ARHGAP19: variants seen among roughly 807,000 people sequenced by gnomAD.
ARHGAP19 encodes Rho GTPase activating protein 19, also known as rho GTPase-activating protein 19.
In ARHGAP19, 48 loss-of-function variants were observed where a neutral mutation model predicts 60.9. That is an observed-to-expected ratio of 0.79 (90% CI 0.62 to 1.00). The LOEUF is 1.00. ARHGAP19 is among the 50% of genes least tolerant of loss of function. The pLI is 0.00. For synonymous variants in ARHGAP19, 209 were observed against 215.5 expected, an observed-to-expected ratio of 0.97 and a Z score of 0.27; for missense variants, 562 against 597.2, an observed-to-expected ratio of 0.94 and a Z score of 0.61.
chr10:97,266,237 G>T, intron 1 of ARHGAP19, 112 bp from the exon 2 acceptor site: 1 of 1,295,970 alleles, frequency 7.7e-7, no homozygotes, highest in Non-Finnish European at 1.1e-6. Flanking sequence ...TTTCCTTATA[G>T]TCAGCTTCCT....
chr10:97,234,808 A>T lies in ARHGAP19; in HGVS notation c.1284+409T>A, dbSNP rs1337611257. ...TTGGGGTATCAAAACTCACTAGCCT[A>T]TTGGAAAATCCAGTTTTCTAACAGT... On this transcript the variant is annotated intron_variant, in intron 9 of 11. Transcript: ENST00000358531. 2.6e-5 allele frequency among the ~76,000 whole-genome samples: 4 copies of T among 152,232 alleles called. No homozygotes were observed. The East Asian group carries it at 7.7e-4, about 29-fold the overall frequency.
intron 6 of ARHGAP19, among the ~76,000 whole-genome samples, chr10:97,253,379 C>CAAAAAAA (rs551066347): frequency 0.05 from 4,092 of 81,876 alleles, 108 homozygotes; most frequent in Non-Finnish European, 0.076. Context: ...AACTCTATCT[C>CAAAAAAA]AAAAAAAAAA....
intron 9 of ARHGAP19, among the ~76,000 whole-genome samples, chr10:97,232,080 A>C (rs1188063640): frequency 4.7e-5 from 7 of 149,664 alleles, no homozygotes; most frequent in Non-Finnish European, 5.9e-5. Context: ...GTGATGTTGA[A>C]CATCTTTTCA....
chr10:97,250,540 C>T (rs1333873629), intron 6 of ARHGAP19, among the ~76,000 whole-genome samples: 2 of 151,750 alleles, frequency 1.3e-5, no homozygotes, highest in South Asian at 2.1e-4. Flanking sequence ...CCCACCACCA[C>T]GCCCGGCTAA....
At chr10:97,266,443 C>A (rs1842900054) in intron 1 of ARHGAP19, among the ~76,000 whole-genome samples, 1 of 152,208 alleles carries the variant, frequency 6.6e-6, no homozygotes, top group Non-Finnish European at 1.5e-5. Context: ...TCTGCTCAGA[C>A]AGGTTCTTCT....
chr10:97,259,479 T>C lies in ARHGAP19; in HGVS notation c.763A>G (p.Lys255Glu). The C allele has an allele frequency of 6.2e-7, 1 of 1,614,190 alleles. No individual in the cohort carries two copies. Among genetic ancestry groups the C allele is most frequent in the East Asian group, 2.2e-5 (1 of 44,874 alleles). Residue 255 changes from lysine to glutamate, a missense_variant, in exon 5 of 12, where the codon AAG (lysine) becomes GAG (glutamate). Physicochemically the swap from Lys to Glu is moderately conservative, Grantham distance 56 (BLOSUM62 1). Transcript: ENST00000358531. ...LLLDLLYQTA[K>E]KQDKNKMSAY... ...GACATCTTGTTCTTGTCTTGTTTCT[T>C]TGCTGTCTGGTATAGGAGATCAAGC...
intron 6 of ARHGAP19, among the ~76,000 whole-genome samples, chr10:97,253,243 T>C (rs1842711473): frequency 6.6e-6 from 1 of 152,000 alleles, no homozygotes; most frequent in Non-Finnish European, 1.5e-5. Context: ...TCCAGTGTAG[T>C]GGTGCGTGCC....
chr10:97,235,285 C>G lies in ARHGAP19; in HGVS notation c.1216G>C (p.Gly406Arg), dbSNP rs1020292799. The G allele has an allele frequency of 2.5e-6, 4 of 1,613,568 alleles. No individual in the cohort carries two copies. The highest frequency in any genetic ancestry group is 3.4e-6 in the Non-Finnish European group (4 of 1,179,720). ...ACCTGGGAAGTAGAAGGTTCTCGCC[C>G]TGGTGTCTGGGTCAATGATTGCTTA... Reference protein sequence around the residue: ...FNKQSLTQTPGREPSTSQVQK... With the variant: ...FNKQSLTQTPRREPSTSQVQK... The change falls in exon 9 of 12, where the codon GGG (glycine) becomes CGG (arginine). Residue 406 changes from glycine (G) to arginine (R), a missense_variant. Coordinates refer to ENST00000358531, the MANE Select transcript of ARHGAP19 (RefSeq NM_032900.6).
intron 8 of ARHGAP19, among the ~76,000 whole-genome samples, chr10:97,240,303 T>C (rs1842458971): frequency 1.3e-5 from 2 of 152,336 alleles, no homozygotes; most frequent in Admixed American, 6.5e-5. Flanking sequence ...TTCCCAAATA[T>C]GCCCAGTAGT....
chr10:97,280,636 T>C (rs1843072413), intron 1 of ARHGAP19, among the ~76,000 whole-genome samples: 1 of 151,990 alleles, frequency 6.6e-6, no homozygotes, highest in Admixed American at 6.6e-5. Context: ...CAGGCTGTAA[T>C]GCAGTGTGCA....
At chr10:97,237,354 C>T (rs960303324) in intron 8 of ARHGAP19, among the ~76,000 whole-genome samples, 2 of 151,136 alleles carry the variant, frequency 1.3e-5, no homozygotes, top group African/African-American at 4.9e-5. Flanking sequence ...CACATAATGA[C>T]ATTTTGGTCA....
At position 97,245,502 on chromosome 10, in the gene ARHGAP19, TC is replaced by T. The variant is rs374352879; in HGVS notation, c.993+769del. Among the ~76,000 whole-genome samples the T allele has an allele frequency of 2.8e-3, 409 of 146,276 alleles. 2 individuals carry two copies. Among genetic ancestry groups the T allele is most frequent in the African/African-American group, 9.2e-3 (361 of 39,092 alleles). ...CGGGCATGGTGGTGCATGCCTGTAG[TC>T]CCCAGCTACTCAGGAGGCTGAGGTG... On this transcript the variant is annotated intron_variant, in intron 7 of 11. Coordinates refer to ENST00000358531, the MANE Select transcript of ARHGAP19 (RefSeq NM_032900.6).
At position 97,229,786 on chromosome 10, in the gene ARHGAP19, G is replaced by A; in HGVS notation, c.1373C>T (p.Thr458Ile). The stretch of plus-strand genomic sequence containing the variant: ...TACTAAGTTCCTATTTTCTTTGCTG[G>A]TTCCCTTCAATTCACCAATGGCCAC... The part of the protein sequence containing the change: ...ESVAIGELKG[T>I]SKENRNLLFS... The change falls in exon 10 of 12, where the codon ACC becomes ATC. Residue 458 changes from threonine (T) to isoleucine (I), a missense_variant. Physicochemically the swap from Thr to Ile is moderately conservative, Grantham distance 89. Transcript: ENST00000358531. The A allele has an allele frequency of 1.2e-6, 2 of 1,608,654 alleles. No homozygotes were observed. Among genetic ancestry groups the A allele is most frequent in the Non-Finnish European group, 1.7e-6 (2 of 1,175,806 alleles).
At chr10:97,253,331 T>C (rs1014067650) in intron 6 of ARHGAP19, among the ~76,000 whole-genome samples, 10 of 149,974 alleles carry the variant, frequency 6.7e-5, no homozygotes, top group Non-Finnish European at 1.3e-4. Flanking sequence ...TGAGCTGAGA[T>C]TGCATCACTG....
Position 97,243,949 on chromosome 10 carries a change from C to A in ARHGAP19, c.1185+19G>T. On this transcript the variant is annotated intron_variant, in intron 8 of 11. Transcript: ENST00000358531. ...TTACACTCCTAAAGCCCCATCACAA[C>A]TTCCCTGCCTTTAGGCACCTGTCTA... 6.3e-7 allele frequency: 1 copy of A among 1,583,112 alleles called. No individual in the cohort carries two copies. The highest frequency in any genetic ancestry group is 8.6e-7 in the Non-Finnish European group (1 of 1,161,892).
chr10:97,242,714 A>G (rs965139803), intron 8 of ARHGAP19, among the ~76,000 whole-genome samples: 7 of 152,238 alleles, frequency 4.6e-5, no homozygotes, highest in African/African-American at 1.7e-4. Flanking sequence ...AGGTTTCTCC[A>G]TGTTAGTCAG....
chr10:97,234,355 G>C lies in ARHGAP19; in HGVS notation c.1284+862C>G, dbSNP rs182701318. On this transcript the variant is annotated intron_variant, in intron 9 of 11. Coordinates refer to ENST00000358531, the MANE Select transcript of ARHGAP19 (RefSeq NM_032900.6). ...TTTACAGGTGCAGCAAACCACCATG[G>C]CACACATTTACCTATATAACAAACC... 4.6e-3 allele frequency among the ~76,000 whole-genome samples: 675 copies of C among 147,946 alleles called. 1 individual carries two copies. The highest frequency in any genetic ancestry group is 6.8e-3 in the Non-Finnish European group (458 of 67,618).
rs1850838929 is a variant in ARHGAP19, at chr10:97,223,276, GT to G, written c.*2845del. 1.3e-5 allele frequency: 2 copies of G among 151,998 alleles called. No individual in the cohort carries two copies. Among genetic ancestry groups the G allele is most frequent in the South Asian group, 4.2e-4 (2 of 4,812 alleles). The allele number at this position is 151,998 out of a possible 1,614,324, so 9.4% of individuals were successfully genotyped here. On this transcript the variant is annotated 3_prime_UTR_variant, in exon 12 of 12. Transcript: ENST00000358531. ...TTCATTACCTGCTCCTTTTTTTACG[GT>G]TCGTTACCTGCTCCTGTTTTGGCCC...
intron 10 of ARHGAP19, among the ~76,000 whole-genome samples, chr10:97,229,544 T>G (rs1850964653): frequency 1.3e-5 from 2 of 152,030 alleles, no homozygotes; most frequent in Non-Finnish European, 2.9e-5. Flanking sequence ...ACTACTCATC[T>G]GCTTGTGACT....
Sources: gnomAD v4.1 joint callset for allele counts (sites outside exome capture counted in the v4.1 genomes callset) on GRCh38, gnomAD v4.1.1 for gene constraint, MANE v1.5 for transcripts, NCBI Gene and HGNC (gene_info 2026-07-23, HGNC 2026-07-21) for gene names.